Variants in RNGTT observed in about 807,000 individuals in gnomAD.
The protein encoded by RNGTT is mRNA-capping enzyme.
A neutral mutation model predicts 79.3 loss-of-function variants in RNGTT; 33 were observed. That is an observed-to-expected ratio of 0.42 (90% CI 0.32 to 0.56). The LOEUF (loss-of-function observed/expected upper bound fraction) is 0.56. Ranked by LOEUF, RNGTT falls within the 20% of genes least tolerant of loss-of-function variation. RNGTT has a pLI of 0.17. For missense variants in RNGTT, 497 were observed against 739.1 expected (o/e 0.67, Z 3.80); for synonymous variants, 222 against 235.9 (o/e 0.94, Z 0.54).
At chr6:88,859,837 C>T (rs1477104965) in intron 8 of RNGTT, among the ~76,000 whole-genome samples, 2 of 152,150 alleles carry the variant, frequency 1.3e-5, no homozygotes, top group Non-Finnish European at 2.9e-5. Flanking sequence ...TGCCTGTGCT[C>T]CCAGTGGTAA....
At chr6:88,935,454 A>G (rs1264331614) in intron 2 of RNGTT, among the ~76,000 whole-genome samples, 1 of 152,164 alleles carries the variant, frequency 6.6e-6, no homozygotes, top group Non-Finnish European at 1.5e-5. Context: ...TGTCTCATGC[A>G]TGTAATCCTA....
In RNGTT at chr6:88,904,970, C is replaced by T; in HGVS notation, c.444-15G>A. Reference sequence around the variant, plus strand: ...CTGCTTCGATACTATAGGAAACAAACACCATGCAATTTCCTCGCTATCCTC... The same window carrying T: ...CTGCTTCGATACTATAGGAAACAAATACCATGCAATTTCCTCGCTATCCTC... On this transcript the variant is annotated splice_polypyrimidine_tract_variant and intron_variant, in intron 5 of 15. Coordinates refer to ENST00000369485, the MANE Select transcript of RNGTT (RefSeq NM_003800.5). 2 of 1,610,384 alleles carry T rather than the reference C, an allele frequency of 1.2e-6. No individual in the cohort carries two copies. The highest frequency in any genetic ancestry group is 1.7e-6 in the Non-Finnish European group (2 of 1,178,050).
chr6:88,942,379 G>C (rs141257470), intron 1 of RNGTT, among the ~76,000 whole-genome samples: 1 of 151,718 alleles, frequency 6.6e-6, no homozygotes, highest in Non-Finnish European at 1.5e-5. Flanking sequence ...ATATGTATGC[G>C]TATTATTTTT....
intron 11 of RNGTT, among the ~76,000 whole-genome samples, chr6:88,821,637 AAT>A (rs1780499887): frequency 6.6e-6 from 1 of 152,036 alleles, no homozygotes; most frequent in Non-Finnish European, 1.5e-5. Flanking sequence ...AAAAGAAATT[AAT>A]ATTTCTGTAT....
At chr6:88,855,176 A>G (rs1254999155) in intron 8 of RNGTT, among the ~76,000 whole-genome samples, 1 of 152,122 alleles carries the variant, frequency 6.6e-6, no homozygotes, top group Non-Finnish European at 1.5e-5. Context: ...GGTATGTCCA[A>G]AAAAAAGGCA....
chr6:88,643,215 A>G (rs1773393211), intron 14 of RNGTT, among the ~76,000 whole-genome samples: 1 of 152,218 alleles, frequency 6.6e-6, no homozygotes, highest in African/African-American at 2.4e-5. Flanking sequence ...GGTCTGAAAA[A>G]AAAAGGACAC....
intron 13 of RNGTT, among the ~76,000 whole-genome samples, chr6:88,718,662 T>C (rs992403735): frequency 7.2e-5 from 11 of 152,200 alleles, no homozygotes; most frequent in African/African-American, 2.6e-4. Context: ...CTATTTTATT[T>C]CTTATTTGTA....
intron 5 of RNGTT, among the ~76,000 whole-genome samples, chr6:88,905,522 A>G (rs1783624328): frequency 6.6e-6 from 1 of 152,226 alleles, no homozygotes; most frequent in Non-Finnish European, 1.5e-5. Flanking sequence ...TATATTCAAA[A>G]AAGGACCTAC....
intron 14 of RNGTT, among the ~76,000 whole-genome samples, chr6:88,648,125 C>T (rs192842179): frequency 2.2e-4 from 34 of 152,240 alleles, no homozygotes; most frequent in Admixed American, 5.2e-4. Flanking sequence ...CTCTTAGGAA[C>T]CATTACTTCA....
chr6:88,869,602 T>C (rs1782290411), intron 8 of RNGTT, among the ~76,000 whole-genome samples: 1 of 152,104 alleles, frequency 6.6e-6, no homozygotes, highest in Non-Finnish European at 1.5e-5. Flanking sequence ...CATTTTTATT[T>C]TCCTTTTAAC....
At chr6:88,826,824 G>GTGTATA (rs1371450082) in intron 11 of RNGTT, among the ~76,000 whole-genome samples, 280 of 129,184 alleles carry the variant, frequency 2.2e-3, no homozygotes, top group African/African-American at 6.6e-3. Flanking sequence ...ATATGTGTGT[G>GTGTATA]TATATATATA....
intron 1 of RNGTT, among the ~76,000 whole-genome samples, chr6:88,954,480 T>G (rs778375112): frequency 6.6e-5 from 10 of 152,020 alleles, no homozygotes; most frequent in Non-Finnish European, 1.3e-4. Context: ...CCAAAATTTG[T>G]AAAGCAATTA....
rs1431567793 is a variant in RNGTT, at chr6:88,669,238, C to A, written c.1506+9115G>T. ...TGAACTAAATGTGCCAATACCAGAA[C>A]TGCCAGGGAAGACAAAAGATTTGTT... On this transcript the variant is annotated intron_variant, in intron 14 of 15. Coordinates refer to ENST00000369485, the MANE Select transcript of RNGTT (RefSeq NM_003800.5). Among the ~76,000 whole-genome samples, 3 of 152,300 alleles carry A rather than the reference C, an allele frequency of 2.0e-5. No individual in the cohort carries two copies. The East Asian group carries it at 5.8e-4, about 29-fold the overall frequency.
chr6:88,780,736 G>A (rs1779035403), intron 12 of RNGTT, among the ~76,000 whole-genome samples: 1 of 152,144 alleles, frequency 6.6e-6, no homozygotes. Context: ...TAAACGTCAG[G>A]CAGCAAAATA....
Position 88,705,223 on chromosome 6 carries a change from A to C in RNGTT, c.1440-26804T>G, listed in dbSNP as rs112075044. ...ATCATAATCCCAAGCCTCTAAGCAT[A>C]GTGTGTGACACATGGCAGGTGATCA... On this transcript the variant is annotated intron_variant, in intron 13 of 15. Transcript: ENST00000369485. 4.1e-3 allele frequency among the ~76,000 whole-genome samples: 624 copies of C among 152,296 alleles called. 5 individuals are homozygous for C. The highest frequency in any genetic ancestry group is 4.1e-3 in the Non-Finnish European group (281 of 68,006).
At chr6:88,845,681 C>T (rs1781461832) in intron 10 of RNGTT, among the ~76,000 whole-genome samples, 1 of 152,058 alleles carries the variant, frequency 6.6e-6, no homozygotes, top group African/African-American at 2.4e-5. Context: ...TTAAATATAC[C>T]TTGGGGATGT....
chr6:88,926,874 T>A (rs1784335554), intron 4 of RNGTT, among the ~76,000 whole-genome samples: 1 of 152,240 alleles, frequency 6.6e-6, no homozygotes, highest in Non-Finnish European at 1.5e-5. Flanking sequence ...ATAGCCAATA[T>A]TGTTAAGATT....
intron 8 of RNGTT, among the ~76,000 whole-genome samples, chr6:88,862,526 A>G (rs1371328980): frequency 6.6e-6 from 1 of 152,176 alleles, no homozygotes; most frequent in Non-Finnish European, 1.5e-5. Context: ...TTTAAAATAA[A>G]CCAGTAAACG....
chr6:88,721,356 C>G (rs1582380933), intron 13 of RNGTT, among the ~76,000 whole-genome samples: 1 of 152,236 alleles, frequency 6.6e-6, no homozygotes, highest in Middle Eastern at 3.4e-3. Context: ...ATCCCAGCCT[C>G]TCTAAAGAAG....
Sources: gnomAD v4.1 joint callset for allele counts (sites outside exome capture counted in the v4.1 genomes callset) on GRCh38, gnomAD v4.1.1 for gene constraint, MANE v1.5 for transcripts, NCBI Gene and HGNC (gene_info 2026-07-23, HGNC 2026-07-21) for gene names.